Variants in GPSM2 observed in about 807,000 individuals in gnomAD.
GPSM2 encodes the protein G protein-signaling modulator 2.
Under a neutral mutation model 78.4 loss-of-function variants are expected in GPSM2, and 58 were observed. The observed-to-expected ratio is 0.74, with a 90% CI of 0.60 to 0.92. GPSM2 has a LOEUF of 0.92. Among genes scored for constraint, GPSM2 ranks in the 40% least tolerant of loss-of-function variants. The probability of loss-of-function intolerance (pLI) is 0.00; values close to 1 mark genes in which losing one functional copy is unlikely to be tolerated. For missense variants in GPSM2, 700 were observed against 815.5 expected, an observed-to-expected ratio of 0.86 and a Z score of 1.73; for synonymous variants, 224 against 280.2, an observed-to-expected ratio of 0.80 and a Z score of 2.00.
chr1:108,889,464 A>G (rs1647809557), intron 2 of GPSM2, among the ~76,000 whole-genome samples: 1 of 152,272 alleles, frequency 6.6e-6, no homozygotes, highest in African/African-American at 2.4e-5. Context: ...GACCAGTGTA[A>G]GCATGCTAGG....
intron 7 of GPSM2, among the ~76,000 whole-genome samples, chr1:108,900,710 C>T (rs1648744247): frequency 6.6e-6 from 1 of 152,104 alleles, no homozygotes; most frequent in Non-Finnish European, 1.5e-5. Context: ...TGCCAGAAAG[C>T]ATTATGCCAC....
At chr1:108,915,554 G>A in intron 11 of GPSM2, among the ~76,000 whole-genome samples, 1 of 151,016 alleles carries the variant, frequency 6.6e-6, no homozygotes, top group Non-Finnish European at 1.5e-5. Context: ...AGCCTCCCGG[G>A]TAGCTGGGAC....
chr1:108,910,119 A>C (rs1649614385), intron 10 of GPSM2: 2 of 152,132 alleles, frequency 1.3e-5, no homozygotes. Flanking sequence ...GGGCATAATA[A>C]ATATGCAGAG....
intron 2 of GPSM2, among the ~76,000 whole-genome samples, chr1:108,891,664 A>T (rs1361882110): frequency 7.7e-5 from 9 of 117,178 alleles, no homozygotes; most frequent in Middle Eastern, 8.3e-3. Context: ...CAGCCAGCTA[A>T]TTTTTTTTTT....
At chr1:108,905,576 G>GTCTTTATTCTCTTCTCTCC (rs1438227685) in intron 10 of GPSM2, among the ~76,000 whole-genome samples, 12 of 151,954 alleles carry the variant, frequency 7.9e-5, no homozygotes, top group Admixed American at 1.3e-4. Context: ...TGCCACTCTC[G>GTCTTTATTCTCTTCTCTCC]TCTTTATTCT....
intron 1 of GPSM2, chr1:108,882,723 C>T (rs1181633106): frequency 6.6e-6 from 1 of 152,182 alleles, no homozygotes; most frequent in Non-Finnish European, 1.5e-5. Context: ...GCCAGTTTAG[C>T]TGTTTGTGTA....
chr1:108,898,630 G>T lies in GPSM2; in HGVS notation c.558-12G>T, dbSNP rs760182565. ...CAAACTTATTTTTTCATCACTTTTTGCGATCCCTTAGGGAAAACCTATCAT... is the reference window on the plus strand; with the variant it reads ...CAAACTTATTTTTTCATCACTTTTTTCGATCCCTTAGGGAAAACCTATCAT... On this transcript the variant is annotated splice_polypyrimidine_tract_variant and intron_variant, in intron 5 of 14. Coordinates refer to ENST00000264126, the MANE Select transcript of GPSM2 (RefSeq NM_013296.5). 6.2e-7 allele frequency: 1 copy of T among 1,611,208 alleles called. No homozygotes were observed. Among genetic ancestry groups the T allele is most frequent in the African/African-American group, 1.3e-5 (1 of 74,630 alleles).
chr1:108,883,884 G>A (rs139441646), intron 1 of GPSM2, among the ~76,000 whole-genome samples: 44 of 151,964 alleles, frequency 2.9e-4, no homozygotes, highest in Admixed American at 6.6e-4. Flanking sequence ...TGCTTAACTA[G>A]TACATTGAGG....
intron 10 of GPSM2, among the ~76,000 whole-genome samples, chr1:108,912,884 TAAA>T (rs35443597): frequency 2.0e-5 from 1 of 50,276 alleles, no homozygotes; most frequent in African/African-American, 6.9e-5. Flanking sequence ...GTCTCTACTT[TAAA>T]AAAAAAAAAG....
intron 3 of GPSM2, among the ~76,000 whole-genome samples, 188 bp downstream of exon 3, chr1:108,897,273 A>G (rs941143204): frequency 6.6e-6 from 1 of 152,234 alleles, no homozygotes; most frequent in African/African-American, 2.4e-5. Flanking sequence ...AATTGACCCT[A>G]GAGTTTAATT....
In GPSM2 at chr1:108,933,494, G is replaced by A. The variant is rs529103867; in HGVS notation, c.*3554G>A. On this transcript the variant is annotated 3_prime_UTR_variant, in exon 15 of 15. Transcript: ENST00000264126. ...AGTAACACTTCCTGGATCCAAAAATGTGTATTCTGCATTTCATATTAAAAT... is the reference window on the plus strand; with the variant it reads ...AGTAACACTTCCTGGATCCAAAAATATGTATTCTGCATTTCATATTAAAAT... 4 of 152,266 alleles carry A rather than the reference G, an allele frequency of 2.6e-5. No individual in the cohort carries two copies. Among genetic ancestry groups the A allele is most frequent in the Non-Finnish European group, 5.9e-5 (4 of 68,024 alleles). The allele number at this position is 152,266 out of a possible 1,614,324, so 9.4% of individuals were successfully genotyped here.
At chr1:108,918,040 A>G (rs1425097546) in intron 11 of GPSM2, among the ~76,000 whole-genome samples, 1 of 152,146 alleles carries the variant, frequency 6.6e-6, no homozygotes, top group Non-Finnish European at 1.5e-5. Context: ...TGTCAGAGCT[A>G]TTGTATGTAG....
chr1:108,894,502 A>G (rs1015204869), intron 2 of GPSM2, among the ~76,000 whole-genome samples: 1 of 152,232 alleles, frequency 6.6e-6, no homozygotes, highest in Non-Finnish European at 1.5e-5. Flanking sequence ...GATTGAGACC[A>G]GCCTGGCCAA....
chr1:108,900,306 C>CT (rs1648691280), intron 7 of GPSM2, among the ~76,000 whole-genome samples: 1 of 146,652 alleles, frequency 6.8e-6, no homozygotes, highest in African/African-American at 2.5e-5. Context: ...ATGGCACAAT[C>CT]TTGGTGCACT....
At position 108,882,504 on chromosome 1, in the gene GPSM2, T is replaced by C. The variant is rs1647207170; in HGVS notation, c.-248-2771T>C. On this transcript the variant is annotated intron_variant, in intron 1 of 14. Coordinates refer to ENST00000264126, the MANE Select transcript of GPSM2 (RefSeq NM_013296.5). ...ACAATGCCAAGGAAAAAAGTCTACA[T>C]GTTCAGTAGAGACACAACTTTTCAT... The C allele has an allele frequency of 2.0e-5, 3 of 152,188 alleles. No individual in the cohort carries two copies. In the South Asian group the frequency reaches 6.2e-4, roughly 31 times the overall value. The allele number at this position is 152,188 out of a possible 1,614,324, so 9.4% of individuals were successfully genotyped here.
At chr1:108,923,879 A>AG (rs1650921313) in intron 13 of GPSM2, 121 bp from the exon 14 acceptor site, 1 of 730,950 alleles carries the variant, frequency 1.4e-6, no homozygotes, top group Non-Finnish European at 2.5e-6. Context: ...GCAGGAGGGC[A>AG]GGGCGGGTCT....
chr1:108,909,991 C>G (rs988420780), intron 10 of GPSM2: 1 of 113,766 alleles, frequency 8.8e-6, no homozygotes, highest in African/African-American at 3.3e-5. Context: ...CAAAAAAAAA[C>G]ACTGAAAGAA....
At chr1:108,918,879 T>C (rs1174649710) in intron 12 of GPSM2, 90 bp downstream of exon 12, 1 of 799,796 alleles carries the variant, frequency 1.3e-6, no homozygotes, top group African/African-American at 1.7e-5. Context: ...GTAATTTAAA[T>C]TAGACATTTA....
intron 10 of GPSM2, among the ~76,000 whole-genome samples, chr1:108,905,527 T>C (rs1649157388): frequency 1.3e-5 from 2 of 152,212 alleles, no homozygotes; most frequent in African/African-American, 4.8e-5. Context: ...GAGAAAACTT[T>C]CTTCATTTGG....
Sources: gnomAD v4.1 joint callset for allele counts (sites outside exome capture counted in the v4.1 genomes callset) on GRCh38, gnomAD v4.1.1 for gene constraint, MANE v1.5 for transcripts, NCBI Gene and HGNC (gene_info 2026-07-23, HGNC 2026-07-21) for gene names.